GRID2: variants seen among roughly 807,000 people sequenced by gnomAD.
The protein encoded by GRID2 is glutamate ionotropic receptor delta type subunit 2.
GRID2 carries 33 observed loss-of-function variants against 114.8 expected under a neutral mutation model. The ratio of observed to expected loss-of-function variants is 0.29; its 90% CI spans 0.22 to 0.38. The LOEUF (loss-of-function observed/expected upper bound fraction) is 0.38, where lower values mean the gene tolerates loss of function less well. GRID2 is among the 10% of genes least tolerant of loss of function. GRID2 has a pLI of 1.00. For synonymous variants in GRID2, 505 were observed against 449.9 expected, an observed-to-expected ratio of 1.12 and a Z score of -1.55; for missense variants, 1,184 against 1,257.7, an observed-to-expected ratio of 0.94 and a Z score of 0.89.
intron 1 of GRID2, among the ~76,000 whole-genome samples, chr4:92,484,155 A>G (rs1270878586): frequency 2.0e-5 from 3 of 152,140 alleles, no homozygotes; most frequent in Non-Finnish European, 2.9e-5. Context: ...TTAACTGACA[A>G]TAGTTGCTAT....
At chr4:93,135,636 T>C (rs1182030660) in intron 4 of GRID2, among the ~76,000 whole-genome samples, 1 of 152,202 alleles carries the variant, frequency 6.6e-6, no homozygotes, top group Non-Finnish European at 1.5e-5. Context: ...TATGAGCAGA[T>C]GTTGCTATTG....
chr4:93,592,716 A>C (rs1738524198), intron 13 of GRID2, among the ~76,000 whole-genome samples: 1 of 152,026 alleles, frequency 6.6e-6, no homozygotes, highest in Non-Finnish European at 1.5e-5. Flanking sequence ...GTCACTCAGG[A>C]CTTGCTTTAT....
At chr4:93,389,222 C>T (rs1227974620) in intron 8 of GRID2, among the ~76,000 whole-genome samples, 1 of 152,030 alleles carries the variant, frequency 6.6e-6, no homozygotes, top group African/African-American at 2.4e-5. Context: ...AAATGAACAT[C>T]TTAAAATGTC....
intron 4 of GRID2, among the ~76,000 whole-genome samples, chr4:93,177,531 A>G (rs1739461921): frequency 6.6e-6 from 1 of 152,178 alleles, no homozygotes; most frequent in Non-Finnish European, 1.5e-5. Context: ...TCTTGAGCAA[A>G]AGTGTTTCCT....
rs945188143 is a variant in GRID2 at position 92,938,833 on chromosome 4, C to T, written c.245-146162C>T. Among the ~76,000 whole-genome samples, 12 of 144,866 alleles carry T rather than the reference C, an allele frequency of 8.3e-5. 1 individual carries two copies. Among genetic ancestry groups the T allele is most frequent in the East Asian group, 2.2e-4 (1 of 4,490 alleles). On this transcript the variant is annotated intron_variant, in intron 2 of 15. Transcript: ENST00000282020. ...TGCAGTGTTTGGTTTTTTGTCCTTG[C>T]GATAGTTTGCTAAGAATGATGGTTT...
chr4:92,504,069 A>G (rs888705837), intron 1 of GRID2, among the ~76,000 whole-genome samples: 1 of 152,134 alleles, frequency 6.6e-6, no homozygotes, highest in Non-Finnish European at 1.5e-5. Flanking sequence ...AGCAGACCAT[A>G]ATTGATGGAT....
rs535167008 is a variant in GRID2, at chr4:92,738,556, A to G, written c.244+148270A>G. On this transcript the variant is annotated intron_variant, in intron 2 of 15. Coordinates refer to ENST00000282020, the MANE Select transcript of GRID2 (RefSeq NM_001510.4). ...ACATTTTAATTTTGGAAAACAATAAAAAATTAATGTTTTTAAATTTTGATT... is the reference window on the plus strand; with the variant it reads ...ACATTTTAATTTTGGAAAACAATAAGAAATTAATGTTTTTAAATTTTGATT... 2.0e-5 allele frequency among the ~76,000 whole-genome samples: 3 copies of G among 152,324 alleles called. No homozygotes were observed. The South Asian group carries it at 6.2e-4, about 32-fold the overall frequency.
chr4:93,000,163 A>C (rs959716408), intron 2 of GRID2, among the ~76,000 whole-genome samples: 1 of 151,732 alleles, frequency 6.6e-6, no homozygotes, highest in African/African-American at 2.4e-5. Context: ...AGAAGAGTTA[A>C]TAACTCAGTA....
rs185359904 is a variant in GRID2 at position 93,063,920 on chromosome 4, T to C, written c.245-21075T>C. Among the ~76,000 whole-genome samples the C allele has an allele frequency of 3.7e-3, 566 of 151,504 alleles. 1 individual carries two copies. Among genetic ancestry groups the C allele is most frequent in the Non-Finnish European group, 6.5e-3 (437 of 67,692 alleles). ...CCTACCGTGTAGTTTCTAAATATAT[T>C]TTGTTTAAAGTTAAAGGAATTATCT... On this transcript the variant is annotated intron_variant, in intron 2 of 15. Transcript: ENST00000282020.
chr4:92,313,371 T>G (rs1238021162), intron 1 of GRID2, among the ~76,000 whole-genome samples: 1 of 152,022 alleles, frequency 6.6e-6, no homozygotes, highest in Non-Finnish European at 1.5e-5. Flanking sequence ...TGGTGCAGTG[T>G]GTACTGCTTT....
At chr4:92,524,905 C>T (rs189023028) in intron 1 of GRID2, among the ~76,000 whole-genome samples, 2 of 152,012 alleles carry the variant, frequency 1.3e-5, no homozygotes, top group South Asian at 4.2e-4. Flanking sequence ...CGAATTTGTA[C>T]AGGGACATTT....
At chr4:93,523,962 T>A (rs931598906) in intron 13 of GRID2, among the ~76,000 whole-genome samples, 8 of 152,194 alleles carry the variant, frequency 5.3e-5, no homozygotes, top group Middle Eastern at 6.8e-3. Context: ...TTTCTGCTTG[T>A]TCCATTCCCC....
Position 92,494,076 on chromosome 4 carries a change from G to T in GRID2, c.89-96055G>T, listed in dbSNP as rs76864780. On this transcript the variant is annotated intron_variant, in intron 1 of 15. Transcript: ENST00000282020. ...AAGTTACTGTGCTATATTCATTATG[G>T]TATCCAAAATTATCTGAAACCAATT... is the stretch of plus-strand genomic sequence containing the variant. Among the ~76,000 whole-genome samples, 313 of 152,110 alleles carry T rather than the reference G, an allele frequency of 2.1e-3. 2 individuals are homozygous for T. In the East Asian group the frequency reaches 0.046, roughly 22 times the overall value.
chr4:92,773,455 T>C (rs1738631350), intron 2 of GRID2, among the ~76,000 whole-genome samples: 1 of 152,138 alleles, frequency 6.6e-6, no homozygotes, highest in South Asian at 2.1e-4. Context: ...GATAAACAGC[T>C]CTATAAACAA....
In GRID2 at chr4:93,773,410, T is replaced by C. The variant is rs1011102706; in HGVS notation, c.*912T>C. The C allele has an allele frequency of 2.6e-5, 4 of 152,298 alleles. No homozygotes were observed. The South Asian group carries it at 8.3e-4, about 32-fold the overall frequency. The allele number at this position is 152,298 out of a possible 1,614,324, so 9.4% of individuals were successfully genotyped here. A position where few individuals can be genotyped will look rare whatever the true frequency, so the allele number is the denominator to read the frequency against. ...TAATGTTATTCTGACTCGCATTGTTTGCCAACAGAAAATATTTTATACTTT... is the reference window on the plus strand; with the variant it reads ...TAATGTTATTCTGACTCGCATTGTTCGCCAACAGAAAATATTTTATACTTT... On this transcript the variant is annotated 3_prime_UTR_variant, in exon 16 of 16. Transcript: ENST00000282020.
intron 13 of GRID2, among the ~76,000 whole-genome samples, chr4:93,569,732 C>T (rs1373337772): frequency 6.6e-6 from 1 of 152,104 alleles, no homozygotes; most frequent in Non-Finnish European, 1.5e-5. Context: ...CCGCACTGGT[C>T]TTTGTTTTTT....
intron 2 of GRID2, among the ~76,000 whole-genome samples, chr4:92,704,703 C>CTCTCTCTT (rs1734856802): frequency 4.3e-5 from 6 of 139,746 alleles, no homozygotes; most frequent in Non-Finnish European, 6.2e-5. Context: ...ATCAATCAAT[C>CTCTCTCTT]TCTCTCTCTC....
chr4:92,794,480 G>T (rs1167468959), intron 2 of GRID2, among the ~76,000 whole-genome samples: 1 of 151,734 alleles, frequency 6.6e-6, no homozygotes, highest in Non-Finnish European at 1.5e-5. Context: ...TGTGTGACTA[G>T]CTTGCAGATT....
intron 14 of GRID2, among the ~76,000 whole-genome samples, chr4:93,768,255 C>T (rs963394416): frequency 3.9e-5 from 6 of 152,208 alleles, no homozygotes; most frequent in Admixed American, 6.5e-5. Context: ...CAGGAAATTC[C>T]AGGGAACCCA....
Sources: allele counts gnomAD v4.1 joint callset (sites outside exome capture counted in the v4.1 genomes callset), GRCh38; gene constraint gnomAD v4.1.1; transcripts MANE v1.5; gene names NCBI Gene and HGNC (gene_info 2026-07-23, HGNC 2026-07-21).